The following PCDHGA4 variants were observed in gnomAD, a reference collection of about 807,000 sequenced individuals.
PCDHGA4 encodes the protein protocadherin gamma-A4.
In PCDHGA4, 38 loss-of-function variants were observed where a neutral mutation model predicts 54.6. The ratio of observed to expected loss-of-function variants is 0.70; its 90% confidence interval spans 0.54 to 0.91. The LOEUF (loss-of-function observed/expected upper bound fraction) is 0.91, where lower values mean the gene tolerates loss of function less well. Among genes scored for constraint, PCDHGA4 ranks in the 40% least tolerant of loss-of-function variants. The pLI, the probability that PCDHGA4 is intolerant of heterozygous loss-of-function variation, is 0.00. For synonymous variants in PCDHGA4, 511 were observed against 512.9 expected, an observed-to-expected ratio of 1.00 and a Z score of 0.05; for missense variants, 1,298 against 1,220.9, an observed-to-expected ratio of 1.06 and a Z score of -0.94.
At chr5:141,374,753 A>C in intron 1 of PCDHGA4, 1 of 1,612,912 alleles carries the variant, frequency 6.2e-7, no homozygotes, top group Admixed American at 1.7e-5. Context: ...TGTCCGCTCA[A>C]GCGTCGCCCA....
intron 1 of PCDHGA4, chr5:141,423,123 A>G: frequency 1.2e-6 from 2 of 1,613,766 alleles, no homozygotes; most frequent in Non-Finnish European, 1.7e-6. Flanking sequence ...CAGCGCGGGC[A>G]CTGCTGGACA....
At chr5:141,417,656 G>A (rs1561768422) in intron 1 of PCDHGA4, 1 of 854,026 alleles carries the variant, frequency 1.2e-6, no homozygotes, top group Non-Finnish European at 1.7e-6. Context: ...CCTCTAGCCT[G>A]GGATTCCCTG....
In PCDHGA4 at chr5:141,404,489, G is replaced by A. The variant is rs867768935; in HGVS notation, c.2514+46868G>A. 30 of 1,613,796 alleles carry A rather than the reference G, an allele frequency of 1.9e-5. No individual in the cohort carries two copies. The highest frequency in any genetic ancestry group is 1.3e-4 in the African/African-American group (10 of 75,048). On this transcript the variant is annotated intron_variant, in intron 1 of 3. Transcript: ENST00000571252. ...TGTCTCTATTAACTCAGACACTGGT[G>A]TGCTGTATGCTCTGTGCTCCTTTGA...
intron 1 of PCDHGA4, chr5:141,412,667 AC>A (rs1385712050): frequency 6.6e-6 from 1 of 152,284 alleles, no homozygotes; most frequent in Non-Finnish European, 1.5e-5. Flanking sequence ...CACTAATATG[AC>A]CTAAAATAAG....
At chr5:141,497,143 GA>G (rs928640875) in intron 2 of PCDHGA4, among the ~76,000 whole-genome samples, 7 of 149,992 alleles carry the variant, frequency 4.7e-5, no homozygotes, top group African/African-American at 9.8e-5. Context: ...CTGAGATCAC[GA>G]AAAAAAAATA....
intron 1 of PCDHGA4, among the ~76,000 whole-genome samples, chr5:141,479,996 G>A (rs759188600): frequency 7.2e-5 from 11 of 152,244 alleles, no homozygotes; most frequent in Middle Eastern, 3.2e-3. Context: ...CTAGGAGTCT[G>A]TGGCCAAGTT....
intron 1 of PCDHGA4, chr5:141,360,248 C>T (rs765556005): frequency 6.2e-7 from 1 of 1,613,920 alleles, no homozygotes; most frequent in South Asian, 1.1e-5. Context: ...TATTCAATTC[C>T]AGAGGAGCTG....
rs1208690061 is a variant in PCDHGA4 at position 141,362,188 on chromosome 5, C to G, written c.2514+4567C>G. The G allele has an allele frequency of 1.4e-5, 22 of 1,613,936 alleles. No homozygotes were observed. The East Asian group carries it at 4.9e-4, about 36-fold the overall frequency. ...CGACCGCCGGGAGCCCTCTGACCCC[C>G]AGGCAAAACTGCAGTTTTACCTGGT... is the stretch of plus-strand genomic sequence containing the variant. On this transcript the variant is annotated intron_variant, in intron 1 of 3. Transcript: ENST00000571252.
intron 1 of PCDHGA4, among the ~76,000 whole-genome samples, chr5:141,455,899 ATTT>A (rs1561962776): frequency 1.3e-5 from 2 of 148,258 alleles, no homozygotes; most frequent in Non-Finnish European, 3.0e-5. Flanking sequence ...TTATTTATTT[ATTT>A]ATTTATTTAT....
intron 1 of PCDHGA4, among the ~76,000 whole-genome samples, chr5:141,406,261 C>T (rs2154537343): frequency 6.6e-6 from 1 of 152,132 alleles, no homozygotes; most frequent in African/African-American, 2.4e-5. Flanking sequence ...CTCAAACGAT[C>T]TTCCTGCTTC....
chr5:141,453,930 T>G (rs944390811), intron 1 of PCDHGA4, among the ~76,000 whole-genome samples: 10 of 152,242 alleles, frequency 6.6e-5, no homozygotes, highest in Non-Finnish European at 1.0e-4. Flanking sequence ...AGTCACTGTG[T>G]GCCTATAATT....
chr5:141,357,861 A>G (rs1390320754), intron 1 of PCDHGA4: 3 of 586,608 alleles, frequency 5.1e-6, no homozygotes, highest in Non-Finnish European at 8.7e-6. Context: ...AGAATTTTCT[A>G]ATTTTACAAC....
At chr5:141,379,879 G>A (rs1158947637) in intron 1 of PCDHGA4, among the ~76,000 whole-genome samples, 1 of 102,124 alleles carries the variant, frequency 9.8e-6, no homozygotes, top group African/African-American at 3.5e-5. Context: ...TTTATGGTCT[G>A]TGAAAGCCTC....
Position 141,489,065 on chromosome 5 carries a change from C to T in PCDHGA4, c.2515-5742C>T, listed in dbSNP as rs558074504. On this transcript the variant is annotated intron_variant, in intron 1 of 3. Coordinates refer to ENST00000571252, the MANE Select transcript of PCDHGA4 (RefSeq NM_018917.4). This position sits in a 1 kb window ranked among gnomAD's most constrained non-coding sequence, Gnocchi z 4.5. ...CCACTCAAATTCAGCTCCCCTCCCC[C>T]CTGCCCACCCCCGCCACTCGGTGAC... 3.3e-5 allele frequency: 13 copies of T among 388,932 alleles called. 1 individual carries two copies. Among genetic ancestry groups the T allele is most frequent in the African/African-American group, 8.5e-5 (4 of 47,158 alleles). 24.1% of individuals were successfully genotyped at this position (388,932 alleles called of 1,614,324 possible).
intron 1 of PCDHGA4, among the ~76,000 whole-genome samples, chr5:141,447,063 G>C (rs762309557): frequency 6.6e-6 from 1 of 152,028 alleles, no homozygotes; most frequent in South Asian, 2.1e-4. Context: ...AATGTGTCAG[G>C]CTGTTTTAAT....
intron 1 of PCDHGA4, chr5:141,371,744 C>T: frequency 1.2e-6 from 2 of 1,614,040 alleles, no homozygotes; most frequent in East Asian, 2.2e-5. Flanking sequence ...ACAACGTTCC[C>T]GTTTTCCACC....
chr5:141,421,811 T>A, intron 1 of PCDHGA4: 1 of 1,613,766 alleles, frequency 6.2e-7, no homozygotes, highest in Non-Finnish European at 8.5e-7. Flanking sequence ...AATCCAGAGC[T>A]AGTACTGGAG....
At chr5:141,421,934 T>C (rs1478005202) in intron 1 of PCDHGA4, 1 of 1,613,548 alleles carries the variant, frequency 6.2e-7, no homozygotes, top group Admixed American at 1.7e-5. Context: ...GTCCTCGATG[T>C]AAATGATCAC....
rs756361613 is a variant in PCDHGA4 at position 141,392,855 on chromosome 5, C to G, written c.2514+35234C>G. 3.1e-6 allele frequency: 5 copies of G among 1,612,176 alleles called. No individual in the cohort carries two copies. The highest frequency in any genetic ancestry group is 3.3e-4 in the Middle Eastern group (2 of 6,050). Reference sequence around the variant, plus strand: ...GTCGCCCCAGACGCGGCGAGCTGATCCTGCTGTGCGCGCTGCTGGGAACGC... The same window carrying G: ...GTCGCCCCAGACGCGGCGAGCTGATGCTGCTGTGCGCGCTGCTGGGAACGC... On this transcript the variant is annotated intron_variant, in intron 1 of 3. Coordinates refer to ENST00000571252, the MANE Select transcript of PCDHGA4 (RefSeq NM_018917.4).
Sources: gnomAD v4.1 joint callset for allele counts (sites outside exome capture counted in the v4.1 genomes callset) on GRCh38, gnomAD v4.1.1 for gene constraint, Gnocchi (gnomAD v3.1) non-coding constraint, MANE v1.5 for transcripts, NCBI Gene and HGNC (gene_info 2026-07-23, HGNC 2026-07-21) for gene names.